ITGAV: variants seen among roughly 807,000 people sequenced by gnomAD.
ITGAV encodes the protein integrin alpha-V.
A neutral mutation model predicts 143.8 loss-of-function variants in ITGAV; 76 were observed. That is an observed-to-expected ratio of 0.53 (90% CI 0.44 to 0.64). The LOEUF is 0.64. Ranked by LOEUF, ITGAV falls within the 30% of genes least tolerant of loss-of-function variation. The pLI is 0.00. For missense variants in ITGAV, 1,193 were observed against 1,274.7 expected (o/e 0.94, Z 0.98); for synonymous variants, 453 against 446.7 (o/e 1.01, Z -0.18).
chr2:186,648,656 G>A (rs1447136419), intron 13 of ITGAV, among the ~76,000 whole-genome samples: 1 of 151,740 alleles, frequency 6.6e-6, no homozygotes, highest in Non-Finnish European at 1.5e-5. Context: ...GTAGAGATGG[G>A]GTTTCACCAT....
chr2:186,676,138 C>A, intron 28 of ITGAV: 2 of 455,488 alleles, frequency 4.4e-6, no homozygotes, highest in Non-Finnish European at 7.8e-6. Context: ...AGCATCTTGT[C>A]CAGTGTAAGA....
At chr2:186,618,982 AC>A (rs1482034717) in intron 2 of ITGAV, among the ~76,000 whole-genome samples, 1 of 152,106 alleles carries the variant, frequency 6.6e-6, no homozygotes, top group Non-Finnish European at 1.5e-5. Flanking sequence ...ATTCACAATC[AC>A]CAAGATATGG....
At chr2:186,606,327 GCCAGTTA>G (rs1335955530) in intron 2 of ITGAV, among the ~76,000 whole-genome samples, 1 of 152,200 alleles carries the variant, frequency 6.6e-6, no homozygotes, top group Non-Finnish European at 1.5e-5. Context: ...CCCTGGTTCT[GCCAGTTA>G]CCAGCTGTTG....
At position 186,652,172 on chromosome 2, in the gene ITGAV, G is replaced by A. The variant is rs1019260628; in HGVS notation, c.1505+83G>A. ...AACAATTGAAAATGAAGGTGGTAGG[G>A]CTGAAATATTGCTAAAACAGTTTCT... On this transcript the variant is annotated intron_variant, in intron 15 of 29. Coordinates refer to ENST00000261023, the MANE Select transcript of ITGAV (RefSeq NM_002210.5). 18 of 825,518 alleles carry A rather than the reference G, an allele frequency of 2.2e-5. No individual in the cohort carries two copies. The African/African-American group carries it at 2.6e-4, about 12-fold the overall frequency. 51.1% of individuals were successfully genotyped at this position (825,518 alleles called of 1,614,324 possible).
chr2:186,660,092 T>C (rs1688703403), intron 18 of ITGAV, among the ~76,000 whole-genome samples: 1 of 152,132 alleles, frequency 6.6e-6, no homozygotes, highest in Non-Finnish European at 1.5e-5. Flanking sequence ...GAAAGTTAAT[T>C]GTTACTTGTC....
chr2:186,664,576 G>A lies in ITGAV; in HGVS notation c.2008G>A (p.Glu670Lys). ...KAQNQGEGAYEAELIVSIPLQ... is the reference protein window; with the variant it reads ...KAQNQGEGAYKAELIVSIPLQ... Reference sequence around the variant, plus strand: ...TCAGAATCAAGGAGAAGGTGCCTACGAAGCTGAGCTCATCGTTTCCATTCC... The same window carrying A: ...TCAGAATCAAGGAGAAGGTGCCTACAAAGCTGAGCTCATCGTTTCCATTCC... Residue 670 changes from glutamate to lysine, a missense_variant, in exon 20 of 30, where the codon GAA (glutamate) becomes AAA (lysine). By Grantham distance (56) the Glu-to-Lys change is moderately conservative. Coordinates refer to ENST00000261023, the MANE Select transcript of ITGAV (RefSeq NM_002210.5). The A allele has an allele frequency of 6.2e-7, 1 of 1,614,074 alleles. No homozygotes were observed. The highest frequency in any genetic ancestry group is 8.5e-7 in the Non-Finnish European group (1 of 1,179,972).
At chr2:186,625,818 G>C (rs187814579) in intron 4 of ITGAV, among the ~76,000 whole-genome samples, 1 of 152,180 alleles carries the variant, frequency 6.6e-6, no homozygotes, top group African/African-American at 2.4e-5. Flanking sequence ...TCCTTCGTTA[G>C]TATAATAATA....
intron 26 of ITGAV, among the ~76,000 whole-genome samples, chr2:186,672,477 CT>C (rs1028066471): frequency 3.9e-5 from 6 of 152,196 alleles, no homozygotes; most frequent in African/African-American, 9.7e-5. Context: ...CTATGTTTAA[CT>C]TTTGGAGGAA....
chr2:186,647,592 T>A (rs1305125955), intron 13 of ITGAV, among the ~76,000 whole-genome samples: 1 of 152,194 alleles, frequency 6.6e-6, no homozygotes, highest in African/African-American at 2.4e-5. Flanking sequence ...CATTAATACA[T>A]GAGTTAATAT....
intron 8 of ITGAV, 125 bp downstream of exon 8, chr2:186,637,234 C>A: frequency 2.6e-6 from 2 of 761,932 alleles, no homozygotes; most frequent in Non-Finnish European, 4.6e-6. Flanking sequence ...GTAATCTCAG[C>A]ACTTTGGGAG....
At position 186,591,020 on chromosome 2, in the gene ITGAV, T is replaced by C. The variant is rs77610785; in HGVS notation, c.185+497T>C. Reference sequence around the variant, plus strand: ...CGCCTCTGTCTGATTCTGTTTCTCCTTACTCCTTTTGCAGACATTCTGATG... The same window carrying C: ...CGCCTCTGTCTGATTCTGTTTCTCCCTACTCCTTTTGCAGACATTCTGATG... On this transcript the variant is annotated intron_variant, in intron 1 of 29. Coordinates refer to ENST00000261023, the MANE Select transcript of ITGAV (RefSeq NM_002210.5). Among the ~76,000 whole-genome samples, 91 of 152,354 alleles carry C rather than the reference T, an allele frequency of 6.0e-4. No homozygotes were observed. In the East Asian group the frequency reaches 0.017, roughly 29 times the overall value.
At position 186,666,710 on chromosome 2, in the gene ITGAV, G is replaced by T; in HGVS notation, c.2173G>T (p.Ala725Ser). 1.3e-6 allele frequency: 2 copies of T among 1,567,574 alleles called. No individual in the cohort carries two copies. Among genetic ancestry groups the T allele is most frequent in the African/African-American group, 1.4e-5 (1 of 73,112 alleles). Residue 725 changes from alanine to serine, a missense_variant, in exon 22 of 30, where the codon GCT becomes TCT. Physicochemically the swap from Ala to Ser is moderately conservative, Grantham distance 99. Coordinates refer to ENST00000261023, the MANE Select transcript of ITGAV (RefSeq NM_002210.5). ...NPMKAGTQLL[A>S]GLRFSVHQQS... is the part of the protein sequence containing the mutation. ...CTTTTCCTCTCTCCTTTAGCTCTTAGCTGGTCTTCGTTTCAGTGTGCACCA... is the reference window on the plus strand; with the variant it reads ...CTTTTCCTCTCTCCTTTAGCTCTTATCTGGTCTTCGTTTCAGTGTGCACCA...
At chr2:186,656,193 A>G (rs1251621190) in intron 16 of ITGAV, 54 bp from the exon 17 acceptor site, 1 of 1,343,912 alleles carries the variant, frequency 7.4e-7, no homozygotes, top group East Asian at 2.6e-5. Context: ...CTAGAGTAGG[A>G]TAGATAGATG....
intron 4 of ITGAV, among the ~76,000 whole-genome samples, chr2:186,627,774 A>G (rs939920957): frequency 1.3e-5 from 2 of 152,148 alleles, no homozygotes; most frequent in African/African-American, 4.8e-5. Flanking sequence ...TCGGCTTTTT[A>G]CAGAAAAAGT....
intron 4 of ITGAV, among the ~76,000 whole-genome samples, chr2:186,630,107 T>C (rs1219396716): frequency 2.6e-5 from 4 of 152,082 alleles, no homozygotes; most frequent in African/African-American, 9.7e-5. Flanking sequence ...TATATTTTAC[T>C]TTTTGAAGAG....
rs1397389582 is a variant in ITGAV at position 186,680,746 on chromosome 2, T to C, written c.*3454T>C. The C allele has an allele frequency of 6.6e-6, 1 of 152,626 alleles. No individual in the cohort carries two copies. The highest frequency in any genetic ancestry group is 2.4e-5 in the African/African-American group (1 of 41,452). 9.5% of individuals were successfully genotyped at this position (152,626 alleles called of 1,614,324 possible). ...CTAATAACATAGAAAGTAAATATCT[T>C]TGTGGTCACCCACATTGGGTGAGAC... On this transcript the variant is annotated 3_prime_UTR_variant, in exon 30 of 30. Coordinates refer to ENST00000261023, the MANE Select transcript of ITGAV (RefSeq NM_002210.5).
At chr2:186,622,574 G>T (rs1036956971) in intron 3 of ITGAV, 144 bp downstream of exon 3, 5 of 605,592 alleles carry the variant, frequency 8.3e-6, no homozygotes, top group Non-Finnish European at 1.5e-5. Flanking sequence ...CTGATCAAAG[G>T]CCACTCTGTC....
In ITGAV at chr2:186,669,868, A is replaced by G. The variant is rs1574503553; in HGVS notation, c.2706+54A>G. The stretch of plus-strand genomic sequence containing the variant: ...TAGACATTTAAAAATATGTGACTAT[A>G]GAACTGACGCCAAAGAACATTTCAA... On this transcript the variant is annotated intron_variant, in intron 26 of 29. Transcript: ENST00000261023. 3.5e-6 allele frequency: 4 copies of G among 1,156,508 alleles called. No homozygotes were observed. In the South Asian group the frequency reaches 3.9e-5, roughly 11 times the overall value. The allele number at this position is 1,156,508 out of a possible 1,614,324, so 71.6% of individuals were successfully genotyped here. A position where few individuals can be genotyped will look rare whatever the true frequency, so the allele number is the denominator to read the frequency against.
At chr2:186,636,709 T>C (rs1003763228) in intron 7 of ITGAV, among the ~76,000 whole-genome samples, 7 of 152,222 alleles carry the variant, frequency 4.6e-5, no homozygotes, top group African/African-American at 1.7e-4. Flanking sequence ...GTTCTCTCTT[T>C]CAATTTCTTT....
Sources: allele counts gnomAD v4.1 joint callset (sites outside exome capture counted in the v4.1 genomes callset), GRCh38; gene constraint gnomAD v4.1.1; transcripts MANE v1.5; gene names NCBI Gene and HGNC (gene_info 2026-07-23, HGNC 2026-07-21).